The following TACC2 variants were observed in gnomAD, a reference collection of about 807,000 sequenced individuals.
TACC2 encodes the protein transforming acidic coiled-coil containing protein 2, also known as transforming acidic coiled-coil-containing protein 2.
In TACC2, 137 loss-of-function variants were observed where a neutral mutation model predicts 227.3. The ratio of observed to expected loss-of-function variants is 0.60; its 90% confidence interval spans 0.52 to 0.69. The LOEUF is 0.69. TACC2 is among the 30% of genes least tolerant of loss of function. TACC2 has a pLI of 0.00. For synonymous variants in TACC2, 1,523 were observed against 1,487.5 expected (o/e 1.02, Z -0.55); for missense variants, 3,470 against 3,694.4 (o/e 0.94, Z 1.57).
At chr10:122,246,436 C>A (rs1340490906) in intron 19 of TACC2, 1 of 152,188 alleles carries the variant, frequency 6.6e-6, no homozygotes, top group Non-Finnish European at 1.5e-5. Flanking sequence ...GGGAAAGAAA[C>A]TCATACAACA....
At position 122,226,347 on chromosome 10, in the gene TACC2, G is replaced by A. The variant is rs2095628329; in HGVS notation, c.7609-19G>A. 1 of 1,585,452 alleles carries A rather than the reference G, an allele frequency of 6.3e-7. No homozygotes were observed. Among genetic ancestry groups the A allele is most frequent in the Non-Finnish European group, 8.7e-7 (1 of 1,154,790 alleles). On this transcript the variant is annotated intron_variant, in intron 12 of 22. Coordinates refer to ENST00000369005, the MANE Select transcript of TACC2 (RefSeq NM_206862.4). ...AGGCCAACTGTACCCAAGCTGATAT[G>A]TGATTTTGATCCCTGCAGCAGGACG...
At chr10:122,163,006 T>C (rs2139829084) in intron 7 of TACC2, among the ~76,000 whole-genome samples, 1 of 152,122 alleles carries the variant, frequency 6.6e-6, no homozygotes, top group Admixed American at 6.5e-5. Context: ...GCAGGCCCAG[T>C]ACCTTTTGCT....
intron 7 of TACC2, chr10:122,192,656 A>T: frequency 2.2e-6 from 1 of 456,046 alleles, no homozygotes; most frequent in South Asian, 1.5e-5. Context: ...AATTTGGGGG[A>T]CAGAGGCTGT....
intron 3 of TACC2, among the ~76,000 whole-genome samples, chr10:122,067,807 C>T (rs2077553846): frequency 2.0e-5 from 3 of 152,084 alleles, no homozygotes; most frequent in East Asian, 1.9e-4. Flanking sequence ...CCCTGAACAC[C>T]GGCCCTCGCT....
intron 3 of TACC2, among the ~76,000 whole-genome samples, chr10:122,066,181 C>T (rs1021654124): frequency 6.6e-6 from 1 of 151,744 alleles, no homozygotes; most frequent in African/African-American, 2.4e-5. Context: ...GATCTTGGCT[C>T]ACTGCAGCCT....
At chr10:122,052,952 G>T (rs566054789) in intron 3 of TACC2, among the ~76,000 whole-genome samples, 17 of 152,344 alleles carry the variant, frequency 1.1e-4, no homozygotes, top group African/African-American at 3.4e-4. Flanking sequence ...CAAGGATAAA[G>T]AGCATTTATC....
intron 5 of TACC2, among the ~76,000 whole-genome samples, chr10:122,098,871 G>T (rs1187562126): frequency 6.6e-6 from 1 of 152,180 alleles, no homozygotes; most frequent in South Asian, 2.1e-4. Flanking sequence ...GCCTCCCAAT[G>T]GGGGTGGCTC....
In TACC2 at chr10:122,087,699, CT is replaced by C; in HGVS notation, c.5200del (p.Ser1734ProfsTer146). On this transcript the variant is annotated frameshift_variant, in exon 4 of 23. Transcript: ENST00000369005. LOFTEE classifies it high-confidence loss of function. ...LPEAGTTRTFSVVAGDLVLPG... is the reference protein window; with the variant it reads ...LPEAGTTRTFXVVAGDLVLPG... ...CTGAAGCAGGTACTACGAGGACATT[CT>C]CCGTTGTGGCAGGTGACTTGGTGCT... 5 of 1,613,272 alleles carry C rather than the reference CT, an allele frequency of 3.1e-6. No homozygotes were observed. Among genetic ancestry groups the C allele is most frequent in the Non-Finnish European group, 4.2e-6 (5 of 1,179,948 alleles).
intron 5 of TACC2, among the ~76,000 whole-genome samples, chr10:122,099,983 G>C (rs10788240): frequency 0.2 from 30,079 of 152,104 alleles, 3,163 homozygotes; most frequent in East Asian, 0.3. Flanking sequence ...AACTCTTTGG[G>C]GCTGGGCACA....
intron 8 of TACC2, among the ~76,000 whole-genome samples, chr10:122,203,884 A>T (rs1391495448): frequency 6.6e-6 from 1 of 152,072 alleles, no homozygotes; most frequent in Admixed American, 6.5e-5. Context: ...CACTGAGTGA[A>T]CGAGACTCCG....
At chr10:122,090,837 C>A (rs923444526) in intron 5 of TACC2, among the ~76,000 whole-genome samples, 1 of 152,094 alleles carries the variant, frequency 6.6e-6, no homozygotes, top group Non-Finnish European at 1.5e-5. Context: ...CAGCCTCGAC[C>A]ACCCCAGGAT....
intron 5 of TACC2, among the ~76,000 whole-genome samples, chr10:122,107,676 A>G: frequency 9.2e-6 from 1 of 109,234 alleles, no homozygotes; most frequent in East Asian, 5.9e-4. Flanking sequence ...TTTTTAAAAC[A>G]TATATATATA....
intron 7 of TACC2, among the ~76,000 whole-genome samples, chr10:122,155,239 G>C (rs1204662840): frequency 1.3e-5 from 2 of 152,208 alleles, no homozygotes; most frequent in Admixed American, 1.3e-4. Flanking sequence ...TCTCCAGTCC[G>C]GCCTCAGAAA....
At chr10:122,229,514 G>A (rs770976703) in intron 15 of TACC2, 28 bp downstream of exon 15, 2 of 1,613,310 alleles carry the variant, frequency 1.2e-6, no homozygotes, top group South Asian at 2.2e-5. Flanking sequence ...GACCTTTTGG[G>A]AGTTTGTCAA....
At position 122,087,782 on chromosome 10, in the gene TACC2, C is replaced by A. The variant is rs1444621227; in HGVS notation, c.5282C>A (p.Thr1761Lys). 1.3e-6 allele frequency: 2 copies of A among 1,599,494 alleles called. No individual in the cohort carries two copies. The highest frequency in any genetic ancestry group is 4.5e-5 in the East Asian group (2 of 44,754). The change falls in exon 4 of 23, where the codon ACA becomes AAA. Residue 1761 changes from threonine (T) to lysine (K), a missense_variant. This residue lies in a region of TACC2 where 1,924 missense variants were observed against 1,978.3 expected (regional missense o/e 0.97). Coordinates refer to ENST00000369005, the MANE Select transcript of TACC2 (RefSeq NM_206862.4). ...CSDKAPGMEG[T>K]AALHGDSPAR... ...GACAAGGCTCCGGGGATGGAGGGTA[C>A]AGCTGCCCTTCATGGGGACAGCCCA...
At chr10:122,139,418 C>T (rs550480059) in intron 6 of TACC2, among the ~76,000 whole-genome samples, 20 of 152,330 alleles carry the variant, frequency 1.3e-4, no homozygotes, top group African/African-American at 4.8e-4. Context: ...TCGGAGCTTC[C>T]AGCCAATTCA....
At chr10:122,226,279 C>G (rs993371844) in intron 12 of TACC2, 87 bp from the exon 13 acceptor site, 1 of 852,848 alleles carries the variant, frequency 1.2e-6, no homozygotes. Flanking sequence ...GTTATTTGTT[C>G]TCTGTTGAAG....
intron 1 of TACC2, among the ~76,000 whole-genome samples, chr10:122,006,451 A>AAAATAAATAAATAAATAAAT (rs147969943): frequency 0.019 from 2,890 of 149,288 alleles, 39 homozygotes; most frequent in African/African-American, 0.041. Context: ...TCAGTCTCAA[A>AAAATAAATAAATAAATAAAT]AAATAAATAA....
At chr10:122,171,771 G>T (rs2140084487) in intron 7 of TACC2, among the ~76,000 whole-genome samples, 1 of 152,342 alleles carries the variant, frequency 6.6e-6, no homozygotes, top group East Asian at 1.9e-4. Context: ...AGCTTAGATT[G>T]CAAATTCTTT....
Sources: gnomAD v4.1 joint callset for allele counts (sites outside exome capture counted in the v4.1 genomes callset) on GRCh38, gnomAD v4.1.1 for gene constraint, gnomAD v4.1.1 regional missense constraint, MANE v1.5 for transcripts, NCBI Gene and HGNC (gene_info 2026-07-23, HGNC 2026-07-21) for gene names.